The following FMN1 variants were observed in gnomAD, a reference collection of about 807,000 sequenced individuals.
FMN1 encodes the protein formin 1, also known as formin-1.
A neutral mutation model predicts 132.4 loss-of-function variants in FMN1; 110 were observed. The observed-to-expected ratio is 0.83, with a 90% CI of 0.71 to 0.97. The LOEUF (loss-of-function observed/expected upper bound fraction) is 0.97. FMN1 is among the 50% of genes least tolerant of loss of function. The probability of loss-of-function intolerance (pLI) is 0.00; values close to 1 mark genes in which losing one functional copy is unlikely to be tolerated. For synonymous variants in FMN1, 722 were observed against 651.7 expected (o/e 1.11, Z -1.64); for missense variants, 1,792 against 1,705.3 (o/e 1.05, Z -0.90).
chr15:32,808,756 A>T (rs889354051), intron 17 of FMN1, among the ~76,000 whole-genome samples: 1 of 152,220 alleles, frequency 6.6e-6, no homozygotes, highest in African/African-American at 2.4e-5. Flanking sequence ...GCTAGAAGCA[A>T]ATGCTAGTAG....
rs147031373 is a variant in FMN1 at position 33,162,240 on chromosome 15, C to T, written c.-131-7195G>A. 7.5e-3 allele frequency among the ~76,000 whole-genome samples: 1,142 copies of T among 152,096 alleles called. 27 individuals are homozygous for T. Among genetic ancestry groups the T allele is most frequent in the South Asian group, 0.068 (328 of 4,808 alleles). On this transcript the variant is annotated intron_variant, in intron 3 of 20. Transcript: ENST00000616417. Reference sequence around the variant, plus strand: ...GTTGTGCAGCCTGGTCTCAAACTCCCGAGCTCAAGTGATCTGCCCACCTTA... The same window carrying T: ...GTTGTGCAGCCTGGTCTCAAACTCCTGAGCTCAAGTGATCTGCCCACCTTA...
At chr15:32,928,556 C>T (rs552617115) in intron 9 of FMN1, among the ~76,000 whole-genome samples, 49 of 152,060 alleles carry the variant, frequency 3.2e-4, no homozygotes, top group Admixed American at 1.2e-3. Context: ...CAGATCAAGT[C>T]GTAAGAAGTT....
chr15:32,965,092 T>C (rs2031070923), intron 8 of FMN1, among the ~76,000 whole-genome samples: 1 of 152,144 alleles, frequency 6.6e-6, no homozygotes, highest in African/African-American at 2.4e-5. Context: ...CTTATCTTAA[T>C]TTCAAACACT....
At chr15:32,926,448 TGAC>T (rs1412662409) in intron 9 of FMN1, among the ~76,000 whole-genome samples, 187 bp from the exon 10 acceptor site, 1 of 152,204 alleles carries the variant, frequency 6.6e-6, no homozygotes, top group African/African-American at 2.4e-5. Context: ...TCTTACACAA[TGAC>T]AGACGTTTTA....
intron 19 of FMN1, among the ~76,000 whole-genome samples, chr15:32,791,025 C>A (rs956024086): frequency 1.2e-4 from 18 of 152,120 alleles, no homozygotes; most frequent in African/African-American, 4.3e-4. Context: ...AAAGACGACT[C>A]TATTTTGATC....
intron 7 of FMN1, among the ~76,000 whole-genome samples, chr15:32,994,425 G>A (rs2033645583): frequency 6.6e-6 from 1 of 152,152 alleles, no homozygotes; most frequent in African/African-American, 2.4e-5. Flanking sequence ...AACAAGCCAA[G>A]CTTCTCTTCA....
rs1164296230 is a variant in FMN1, at chr15:33,088,782, C to A, written c.2043+17G>T. ...ACCACAAAGAACCACAGCACAATCA[C>A]CAAGATTTCTACTTACATGGAGATC... On this transcript the variant is annotated intron_variant, in intron 5 of 20. Transcript: ENST00000616417. 1 of 1,531,490 alleles carries A rather than the reference C, an allele frequency of 6.5e-7. No individual in the cohort carries two copies. The highest frequency in any genetic ancestry group is 2.4e-5 in the East Asian group (1 of 40,858). The allele number at this position is 1,531,490 out of a possible 1,614,324, so 94.9% of individuals were successfully genotyped here.
intron 10 of FMN1, among the ~76,000 whole-genome samples, chr15:32,916,261 T>C (rs757635938): frequency 6.6e-6 from 1 of 152,178 alleles, no homozygotes; most frequent in Non-Finnish European, 1.5e-5. Flanking sequence ...CAGGGTTAAG[T>C]AGAAAGAACA....
intron 5 of FMN1, among the ~76,000 whole-genome samples, chr15:33,085,541 T>A (rs2038655378): frequency 6.7e-6 from 1 of 149,654 alleles, no homozygotes; most frequent in South Asian, 2.1e-4. Context: ...TATTTATACA[T>A]ATATTAAAAT....
At chr15:33,026,534 T>C (rs1012126362) in intron 6 of FMN1, among the ~76,000 whole-genome samples, 1 of 152,028 alleles carries the variant, frequency 6.6e-6, no homozygotes, top group Non-Finnish European at 1.5e-5. Context: ...ATAAAGTACT[T>C]GTAAGAAAAA....
At chr15:33,160,078 G>A (rs192558304) in intron 3 of FMN1, among the ~76,000 whole-genome samples, 5 of 152,258 alleles carry the variant, frequency 3.3e-5, no homozygotes, top group Middle Eastern at 3.4e-3. Context: ...GAAAGATTAT[G>A]GAGAAGGATC....
chr15:32,882,337 T>C (rs1322685787), intron 16 of FMN1, among the ~76,000 whole-genome samples: 1 of 152,200 alleles, frequency 6.6e-6, no homozygotes, highest in Non-Finnish European at 1.5e-5. Flanking sequence ...ACTTCCTTAC[T>C]GTAACAACAC....
At chr15:32,836,080 T>C (rs1027838077) in intron 17 of FMN1, among the ~76,000 whole-genome samples, 1 of 152,042 alleles carries the variant, frequency 6.6e-6, no homozygotes, top group Admixed American at 6.5e-5. Flanking sequence ...AGGCTCGTCT[T>C]GAACTCCTGG....
In FMN1 at chr15:32,898,899, T is replaced by A; in HGVS notation, c.3655-6A>T. ...ACCAGATTAATCCCATTATCCTAGG[T>A]TTAAAAGAGAAATGTACATGAAAAT... On this transcript the variant is annotated splice_polypyrimidine_tract_variant and splice_region_variant and intron_variant, in intron 14 of 20. Transcript: ENST00000616417. 1 of 1,571,004 alleles carries A rather than the reference T, an allele frequency of 6.4e-7. No homozygotes were observed. Among genetic ancestry groups the A allele is most frequent in the Non-Finnish European group, 8.7e-7 (1 of 1,143,078 alleles).
At chr15:32,919,169 T>G (rs2060758212) in intron 10 of FMN1, among the ~76,000 whole-genome samples, 2 of 152,048 alleles carry the variant, frequency 1.3e-5, no homozygotes, top group African/African-American at 4.8e-5. Flanking sequence ...GGGGGGGTAT[T>G]AAATGAAGTT....
intron 9 of FMN1, among the ~76,000 whole-genome samples, chr15:32,929,863 CT>C (rs1467247027): frequency 6.6e-6 from 1 of 151,346 alleles, no homozygotes; most frequent in Non-Finnish European, 1.5e-5. Context: ...TTGTCTCCAT[CT>C]CTTTGCTATT....
At chr15:32,907,903 C>T (rs2060466007) in intron 12 of FMN1, among the ~76,000 whole-genome samples, 1 of 152,096 alleles carries the variant, frequency 6.6e-6, no homozygotes, top group South Asian at 2.1e-4. Flanking sequence ...CACTCAGTTA[C>T]ACCCCGGAGT....
intron 10 of FMN1, among the ~76,000 whole-genome samples, chr15:32,922,409 T>C (rs916036645): frequency 7.9e-5 from 12 of 152,214 alleles, no homozygotes; most frequent in African/African-American, 2.9e-4. Context: ...TTGCAAACAA[T>C]GCTTAATCAC....
At chr15:33,048,390 A>G (rs1386752166) in intron 6 of FMN1, among the ~76,000 whole-genome samples, 1 of 152,094 alleles carries the variant, frequency 6.6e-6, no homozygotes, top group African/African-American at 2.4e-5. Flanking sequence ...CTGGTTATTT[A>G]ATAAGACTGA....
Sources: allele counts gnomAD v4.1 joint callset (sites outside exome capture counted in the v4.1 genomes callset), GRCh38; gene constraint gnomAD v4.1.1; transcripts MANE v1.5; gene names NCBI Gene and HGNC (gene_info 2026-07-23, HGNC 2026-07-21).